DNAH12: variants seen among roughly 807,000 people sequenced by gnomAD.
The protein encoded by DNAH12 is dynein axonemal heavy chain 12, also known as axonemal beta dynein heavy chain 12.
In DNAH12, 285 loss-of-function variants were observed where a neutral mutation model predicts 371.5. The observed-to-expected ratio is 0.77, with a 90% CI of 0.70 to 0.85. The LOEUF (loss-of-function observed/expected upper bound fraction) is 0.85. Among genes scored for constraint, DNAH12 ranks in the 40% least tolerant of loss-of-function variants. DNAH12 has a pLI of 0.00. For missense variants in DNAH12, 3,611 were observed against 3,689.4 expected, an observed-to-expected ratio of 0.98 and a Z score of 0.55; for synonymous variants, 1,200 against 1,213.0, an observed-to-expected ratio of 0.99 and a Z score of 0.22.
chr3:57,436,886 G>A, intron 30 of DNAH12, 65 bp downstream of exon 30: 2 of 1,143,882 alleles, frequency 1.7e-6, no homozygotes, highest in Non-Finnish European at 1.2e-6. Context: ...TTGGTTCATG[G>A]ATTTTAGTTG....
At chr3:57,519,649 A>AT in intron 4 of DNAH12, 3 of 1,409,270 alleles carry the variant, frequency 2.1e-6, no homozygotes, top group Non-Finnish European at 3.0e-6. Context: ...CAACTGCACT[A>AT]AGAAGCCTTC....
intron 62 of DNAH12, among the ~76,000 whole-genome samples, chr3:57,328,252 C>A (rs1268866725): frequency 1.3e-5 from 2 of 151,474 alleles, no homozygotes; most frequent in Non-Finnish European, 2.9e-5. Flanking sequence ...GGCAGAGACA[C>A]AACCAAAAAA....
chr3:57,510,428 C>T (rs1326806387), intron 5 of DNAH12, among the ~76,000 whole-genome samples: 1 of 152,006 alleles, frequency 6.6e-6, no homozygotes, highest in Admixed American at 6.6e-5. Context: ...GGCTTGAGCC[C>T]AGGAGTTTTA....
intron 43 of DNAH12, chr3:57,402,468 A>T: frequency 1.6e-6 from 2 of 1,289,374 alleles, no homozygotes; most frequent in Non-Finnish European, 2.0e-6. Flanking sequence ...GACAACATTA[A>T]TGCCATCAAC....
intron 4 of DNAH12, among the ~76,000 whole-genome samples, chr3:57,516,187 C>T (rs1415729172): frequency 6.6e-6 from 1 of 151,626 alleles, no homozygotes; most frequent in Non-Finnish European, 1.5e-5. Flanking sequence ...CCTCAGCCTC[C>T]TGAGTAGCTG....
chr3:57,492,563 T>C (rs1013101771), intron 11 of DNAH12, among the ~76,000 whole-genome samples: 5 of 152,110 alleles, frequency 3.3e-5, no homozygotes, highest in African/African-American at 9.7e-5. Context: ...TAACCACAAC[T>C]ATAGTATATC....
chr3:57,361,631 T>C (rs1430746571), intron 58 of DNAH12, among the ~76,000 whole-genome samples: 1 of 151,692 alleles, frequency 6.6e-6, no homozygotes, highest in Non-Finnish European at 1.5e-5. Flanking sequence ...TATTTATTCC[T>C]AGAATCCCTA....
chr3:57,544,990 ATT>A (rs574394355), upstream of DNAH12, among the ~76,000 whole-genome samples: 35 of 142,578 alleles, frequency 2.5e-4, no homozygotes, highest in African/African-American at 4.4e-4. Context: ...TTGCTACGTA[ATT>A]TTTTTTTTTT....
At chr3:57,388,790 A>C (rs1288568891) in intron 45 of DNAH12, among the ~76,000 whole-genome samples, 2 of 152,108 alleles carry the variant, frequency 1.3e-5, no homozygotes, top group Non-Finnish European at 2.9e-5. Context: ...CATTCTCAGC[A>C]AACTATCACA....
intron 59 of DNAH12, among the ~76,000 whole-genome samples, chr3:57,354,015 T>C (rs1165903586): frequency 2.6e-5 from 4 of 152,184 alleles, no homozygotes; most frequent in Admixed American, 6.5e-5. Flanking sequence ...AGCAGTCCAT[T>C]ATTGGGTACA....
chr3:57,425,072 T>G lies in DNAH12; in HGVS notation c.5323A>C (p.Asn1775His). The G allele has an allele frequency of 1.4e-6, 1 of 702,820 alleles. No individual in the cohort carries two copies. The highest frequency in any genetic ancestry group is 1.5e-5 in the South Asian group (1 of 67,552). 43.5% of individuals were successfully genotyped at this position (702,820 alleles called of 1,614,324 possible). A position where few individuals can be genotyped will look rare whatever the true frequency, so the allele number is the denominator to read the frequency against. The change falls in exon 35 of 74, where the codon AAT becomes CAT. Residue 1775 changes from asparagine (N) to histidine (H), a missense_variant. Physicochemically the swap from Asn to His is moderately conservative, Grantham distance 68 (BLOSUM62 1). Coordinates refer to ENST00000495027, the MANE Select transcript of DNAH12 (RefSeq NM_001366028.2). ...LTRLFEVLLC[N>H]VVENDPTSKH... The stretch of plus-strand genomic sequence containing the variant: ...CTAGTAGGATCATTTTCTACCACAT[T>G]GCAAAGTAGCACTTCAAAGAGGCGT...
chr3:57,302,529 G>GTTTTTATATATATATATA lies in DNAH12; in HGVS notation c.11190-591_11190-590insTATATATATATATAAAAA, dbSNP rs879293648. On this transcript the variant is annotated intron_variant, in intron 69 of 73. Coordinates refer to ENST00000495027, the MANE Select transcript of DNAH12 (RefSeq NM_001366028.2). ...TGCTGAATTAACTAAGGCATCAGGT[G>GTTTTTATATATATATATA]TATATATATATATATATATATATAT... is the stretch of plus-strand genomic sequence containing the variant. 1.2e-3 allele frequency among the ~76,000 whole-genome samples: 59 copies of GTTTTTATATATATATATA among 47,852 alleles called. 4 individuals carry two copies. The highest frequency in any genetic ancestry group is 1.5e-3 in the Non-Finnish European group (44 of 29,330). The allele number at this position is 47,852 out of a possible 152,430, so 31.4% of individuals were successfully genotyped here.
intron 70 of DNAH12, among the ~76,000 whole-genome samples, chr3:57,299,154 CA>C (rs780994281): frequency 2.0e-5 from 3 of 152,126 alleles, no homozygotes; most frequent in Non-Finnish European, 4.4e-5. Flanking sequence ...GCACCAAGCA[CA>C]AGAAAGCTGT....
chr3:57,426,019 T>G (rs1380355541), intron 34 of DNAH12, among the ~76,000 whole-genome samples: 1 of 151,986 alleles, frequency 6.6e-6, no homozygotes, highest in Non-Finnish European at 1.5e-5. Context: ...GGGAGAGAGA[T>G]ACACCAAAGA....
intron 2 of DNAH12, among the ~76,000 whole-genome samples, chr3:57,535,389 TCTGA>T (rs2068995440): frequency 6.6e-6 from 1 of 152,224 alleles, no homozygotes; most frequent in South Asian, 2.1e-4. Context: ...GCAAGCTCTC[TCTGA>T]CTGTCTTGCC....
At chr3:57,300,728 G>A (rs1039032667) in intron 70 of DNAH12, among the ~76,000 whole-genome samples, 2 of 152,124 alleles carry the variant, frequency 1.3e-5, no homozygotes, top group Admixed American at 1.3e-4. Context: ...AGCTTATACA[G>A]TGAAAGAAAG....
At position 57,318,414 on chromosome 3, in the gene DNAH12, T is replaced by C. The variant is rs559359213; in HGVS notation, c.10525-3783A>G. 9.3e-4 allele frequency among the ~76,000 whole-genome samples: 142 copies of C among 152,188 alleles called. 1 individual carries two copies. Among genetic ancestry groups the C allele is most frequent in the Non-Finnish European group, 2.6e-4 (18 of 68,010 alleles). ...TCTCAATACCAGTTGTTGAAGAGAC[T>C]ATACTTCTCCCATTGTATATTCTTG... On this transcript the variant is annotated intron_variant, in intron 65 of 73. Transcript: ENST00000495027.
At chr3:57,457,614 T>A in intron 22 of DNAH12, 107 bp downstream of exon 22, 1 of 1,209,804 alleles carries the variant, frequency 8.3e-7, no homozygotes. Context: ...AGAAAATAAA[T>A]GATTTAAAAT....
At chr3:57,481,177 T>A (rs2066730897) in intron 13 of DNAH12, among the ~76,000 whole-genome samples, 1 of 152,204 alleles carries the variant, frequency 6.6e-6, no homozygotes, top group Non-Finnish European at 1.5e-5. Flanking sequence ...AACCCCATTG[T>A]CTCAGCCCAA....
Sources: allele counts gnomAD v4.1 joint callset (sites outside exome capture counted in the v4.1 genomes callset), GRCh38; gene constraint gnomAD v4.1.1; transcripts MANE v1.5; gene names NCBI Gene and HGNC (gene_info 2026-07-23, HGNC 2026-07-21).